The following SHROOM4 variants were observed in gnomAD, a reference collection of about 807,000 sequenced individuals.
The protein encoded by SHROOM4 is protein Shroom4.
In SHROOM4, 17 loss-of-function variants were observed where a neutral mutation model predicts 80.3. That is an observed-to-expected ratio of 0.21 (90% confidence interval 0.14 to 0.32). The LOEUF is 0.32. Among genes scored for constraint, SHROOM4 ranks in the 10% least tolerant of loss-of-function variants. The probability of loss-of-function intolerance (pLI) is 1.00; values close to 1 mark genes in which losing one functional copy is unlikely to be tolerated. For missense variants in SHROOM4, 993 were observed against 1,140.3 expected (o/e 0.87, Z 1.86); for synonymous variants, 400 against 437.5 (o/e 0.91, Z 1.07).
intron 2 of SHROOM4, among the ~76,000 whole-genome samples, chrX:50,669,399 G>C: frequency 9.0e-6 from 1 of 111,237 alleles, no homozygotes; most frequent in Admixed American, 9.5e-5. Flanking sequence ...CTACCTCCCT[G>C]GGCTCAAGCA....
intron 1 of SHROOM4, among the ~76,000 whole-genome samples, chrX:50,709,916 A>G (rs1557264262): frequency 8.9e-6 from 1 of 111,968 alleles, no homozygotes. Context: ...TGAGGCCAGT[A>G]ATCTGTGTTT....
At chrX:50,632,882 T>C in intron 4 of SHROOM4, among the ~76,000 whole-genome samples, 1 of 111,778 alleles carries the variant, frequency 8.9e-6, no homozygotes, top group Non-Finnish European at 1.9e-5. Flanking sequence ...TACTTCAAAT[T>C]TGTGTGGTTG....
At chrX:50,654,138 G>A (rs1380374821) in intron 2 of SHROOM4, among the ~76,000 whole-genome samples, 1 of 111,733 alleles carries the variant, frequency 8.9e-6, no homozygotes, top group Non-Finnish European at 1.9e-5. Context: ...AAAGTATTTA[G>A]GTTCCAGGGA....
chrX:50,705,989 TACACACAC>T (rs56363612), intron 1 of SHROOM4, among the ~76,000 whole-genome samples: 2,095 of 74,351 alleles, frequency 0.028, 42 homozygotes, highest in East Asian at 0.14. Flanking sequence ...TCTCATCCTC[TACACACAC>T]ACACACACAC....
intron 1 of SHROOM4, among the ~76,000 whole-genome samples, chrX:50,705,866 C>T (rs1014555610): frequency 1.8e-5 from 2 of 110,356 alleles, no homozygotes; most frequent in African/African-American, 6.6e-5. Context: ...TACTAACATT[C>T]ATTAATTAAA....
At chrX:50,606,854 A>G (rs1929693957) in intron 6 of SHROOM4, among the ~76,000 whole-genome samples, 1 of 110,592 alleles carries the variant, frequency 9.0e-6, no homozygotes, top group Non-Finnish European at 1.9e-5. Context: ...ACCCAGCCCC[A>G]GGAATACCTT....
intron 1 of SHROOM4, among the ~76,000 whole-genome samples, chrX:50,741,562 CA>C (rs1934658207): frequency 9.0e-6 from 1 of 110,738 alleles, no homozygotes; most frequent in East Asian, 2.8e-4. Flanking sequence ...TATGATTTGT[CA>C]TTAAAAATAT....
chrX:50,598,669 A>G (rs1251249767), intron 7 of SHROOM4, 134 bp from the exon 8 acceptor site: 5 of 801,822 alleles, frequency 6.2e-6, no homozygotes, highest in Non-Finnish European at 8.9e-6. Flanking sequence ...AACAAAGGAA[A>G]CTTGGGCAAG....
intron 1 of SHROOM4, among the ~76,000 whole-genome samples, chrX:50,734,554 C>T (rs1168739989): frequency 9.0e-6 from 1 of 111,074 alleles, no homozygotes; most frequent in African/African-American, 3.3e-5. Context: ...GCTGGGACTA[C>T]AGGTACCCAC....
intron 2 of SHROOM4, among the ~76,000 whole-genome samples, chrX:50,684,051 T>G (rs1557262022): frequency 8.9e-6 from 1 of 111,861 alleles, no homozygotes; most frequent in African/African-American, 3.3e-5. Flanking sequence ...TGTTCAACAA[T>G]GTTAAGTGCT....
chrX:50,778,612 G>A (rs1935560716), intron 1 of SHROOM4, among the ~76,000 whole-genome samples: 2 of 112,302 alleles, frequency 1.8e-5, no homozygotes. Context: ...CTGTCCTTGT[G>A]TCTTTCACAT....
chrX:50,697,856 T>C (rs781891067), intron 1 of SHROOM4, among the ~76,000 whole-genome samples: 2 of 112,347 alleles, frequency 1.8e-5, no homozygotes, highest in East Asian at 5.6e-4. Flanking sequence ...TCTATTTGAA[T>C]GACTCATTAC....
intron 2 of SHROOM4, among the ~76,000 whole-genome samples, chrX:50,693,373 C>A (rs1483542708): frequency 9.1e-6 from 1 of 109,959 alleles, no homozygotes; most frequent in Non-Finnish European, 1.9e-5. Flanking sequence ...TCGCAACCAG[C>A]CTGGCCAACA....
Position 50,591,961 on chromosome X carries a change from C to A in SHROOM4, c.*4734G>T. ...CTTGATCTCCTGACCTCGTGATCCACCTGCCTCGGCCTCCCAAAGTGCTGG... is the reference window on the plus strand; with the variant it reads ...CTTGATCTCCTGACCTCGTGATCCAACTGCCTCGGCCTCCCAAAGTGCTGG... On this transcript the variant is annotated 3_prime_UTR_variant, in exon 9 of 9. Coordinates refer to ENST00000376020, the MANE Select transcript of SHROOM4 (RefSeq NM_020717.5). 2 of 329,377 alleles carry A rather than the reference C, an allele frequency of 6.1e-6. No individual in the cohort carries two copies. Among genetic ancestry groups the A allele is most frequent in the South Asian group, 2.6e-5 (1 of 38,495 alleles). The allele number at this position is 329,377 out of a possible 1,213,427, so 27.1% of individuals were successfully genotyped here.
chrX:50,793,587 A>C (rs909263479), intron 1 of SHROOM4, among the ~76,000 whole-genome samples: 1 of 104,297 alleles, frequency 9.6e-6, no homozygotes, highest in African/African-American at 3.5e-5. Flanking sequence ...TCTAGTAGGC[A>C]CAACCCATTT....
intron 2 of SHROOM4, among the ~76,000 whole-genome samples, chrX:50,641,090 G>C (rs782067199): frequency 8.9e-6 from 1 of 112,086 alleles, no homozygotes; most frequent in South Asian, 3.7e-4. Context: ...AATCCTACCT[G>C]TTCTTCAAGG....
At chrX:50,722,646 A>ATCTC (rs371067544) in intron 1 of SHROOM4, among the ~76,000 whole-genome samples, 18 of 105,513 alleles carry the variant, frequency 1.7e-4, no homozygotes, top group African/African-American at 6.2e-4. Context: ...CCTTCCTTTC[A>ATCTC]TCTCTCTCTC....
Position 50,662,506 on chromosome X carries a change from A to G in SHROOM4, c.270-24198T>C, listed in dbSNP as rs782606468. 2.7e-5 allele frequency among the ~76,000 whole-genome samples: 3 copies of G among 111,332 alleles called. No individual in the cohort carries two copies. The South Asian group carries it at 1.2e-3, about 43-fold the overall frequency. On this transcript the variant is annotated intron_variant, in intron 2 of 8. Transcript: ENST00000376020. ...ACAGTGTGAGACTCCATCTCAAAAA[A>G]AAAAAAGTGTTATGATAATAAAAGA...
chrX:50,633,917 C>A lies in SHROOM4; in HGVS notation c.2156G>T (p.Cys719Phe). ...SSDPEKAHAH[C>F]GVRGGHWRWS... The stretch of plus-strand genomic sequence containing the variant: ...TCTCCAATGACCTCCACGGACTCCA[C>A]AGTGAGCATGTGCTTTCTCAGGGTC... The change falls in exon 4 of 9, where the codon TGT becomes TTT. Residue 719 changes from cysteine to phenylalanine, a missense_variant. Coordinates refer to ENST00000376020, the MANE Select transcript of SHROOM4 (RefSeq NM_020717.5). 8.3e-7 allele frequency: 1 copy of A among 1,211,776 alleles called. No individual in the cohort carries two copies. The highest frequency in any genetic ancestry group is 1.1e-6 in the Non-Finnish European group (1 of 895,521).
Sources: gnomAD v4.1 joint callset for allele counts (sites outside exome capture counted in the v4.1 genomes callset) on GRCh38, gnomAD v4.1.1 for gene constraint, MANE v1.5 for transcripts, NCBI Gene and HGNC (gene_info 2026-07-23, HGNC 2026-07-21) for gene names.